The following XPOT variants were observed in gnomAD, a reference collection of about 807,000 sequenced individuals.
XPOT encodes exportin-T.
A neutral mutation model predicts 128.2 loss-of-function variants in XPOT; 34 were observed. The ratio of observed to expected loss-of-function variants is 0.27; its 90% confidence interval spans 0.20 to 0.35. The LOEUF is 0.35. Among genes scored for constraint, XPOT ranks in the 10% least tolerant of loss-of-function variants. The pLI is 1.00. For synonymous variants in XPOT, 348 were observed against 394.3 expected, an observed-to-expected ratio of 0.88 and a Z score of 1.39; for missense variants, 838 against 1,125.3, an observed-to-expected ratio of 0.74 and a Z score of 3.65.
At chr12:64,405,420 G>C (rs1221796465) in intron 1 of XPOT, 1 of 152,192 alleles carries the variant, frequency 6.6e-6, no homozygotes, top group East Asian at 1.9e-4. Flanking sequence ...TGTCAGCGTG[G>C]TGTTAAAAGG....
intron 17 of XPOT, among the ~76,000 whole-genome samples, chr12:64,431,024 A>T (rs1046062407): frequency 6.6e-6 from 1 of 151,958 alleles, no homozygotes; most frequent in Non-Finnish European, 1.5e-5. Flanking sequence ...AGCTCAGTGC[A>T]ACCTCCGCCT....
At chr12:64,436,824 T>A (rs949978982) in intron 22 of XPOT, among the ~76,000 whole-genome samples, 1 of 152,238 alleles carries the variant, frequency 6.6e-6, no homozygotes, top group African/African-American at 2.4e-5. Context: ...CAAACATTCC[T>A]CCTGCCTTGG....
intron 3 of XPOT, 135 bp downstream of exon 3, chr12:64,415,124 A>G (rs1345053665): frequency 1.7e-6 from 1 of 604,244 alleles, no homozygotes; most frequent in Non-Finnish European, 2.9e-6. Context: ...AGCCATTAAC[A>G]TATAGTCATT....
At chr12:64,424,177 A>T (rs989366182) in intron 11 of XPOT, among the ~76,000 whole-genome samples, 2 of 152,188 alleles carry the variant, frequency 1.3e-5, no homozygotes, top group Non-Finnish European at 2.9e-5. Context: ...TTTACAGTGG[A>T]TATTGACTTA....
At position 64,449,800 on chromosome 12, in the gene XPOT, A is replaced by G. The variant is rs1425777013; in HGVS notation, c.*1669A>G. 6.6e-6 allele frequency: 1 copy of G among 152,280 alleles called. No homozygotes were observed. Among genetic ancestry groups the G allele is most frequent in the South Asian group, 2.1e-4 (1 of 4,836 alleles). 9.4% of individuals were successfully genotyped at this position (152,280 alleles called of 1,614,324 possible). A position where few individuals can be genotyped will look rare whatever the true frequency, so the allele number is the denominator to read the frequency against. On this transcript the variant is annotated 3_prime_UTR_variant, in exon 25 of 25. Coordinates refer to ENST00000332707, the MANE Select transcript of XPOT (RefSeq NM_007235.6). ...TAGGTTCCCCTGTACTATAGGAGTG[A>G]TAATTGCAGCTATTGCAATAGTAGT...
intron 22 of XPOT, among the ~76,000 whole-genome samples, chr12:64,436,895 G>A (rs887490506): frequency 6.6e-5 from 10 of 152,166 alleles, no homozygotes; most frequent in Non-Finnish European, 1.0e-4. Flanking sequence ...TAAATAACTG[G>A]AATTGGTTGC....
chr12:64,424,769 C>T (rs1335835228), intron 12 of XPOT, 46 bp downstream of exon 12: 19 of 1,604,640 alleles, frequency 1.2e-5, no homozygotes, highest in Non-Finnish European at 1.5e-5. Flanking sequence ...CTTTCTTTTG[C>T]TCTTTGATAT....
At chr12:64,416,016 A>G (rs546756891) in intron 3 of XPOT, among the ~76,000 whole-genome samples, 1 of 152,332 alleles carries the variant, frequency 6.6e-6, no homozygotes, top group East Asian at 1.9e-4. Flanking sequence ...GAACTCTCTT[A>G]TACTCACTTC....
chr12:64,404,566 T>C lies in XPOT; in HGVS notation c.-313T>C, dbSNP rs146483101. 1,756 of 153,942 alleles carry C rather than the reference T, an allele frequency of 0.011. 18 individuals carry two copies. Among genetic ancestry groups the C allele is most frequent in the Non-Finnish European group, 0.018 (1,230 of 68,806 alleles). 9.5% of individuals were successfully genotyped at this position (153,942 alleles called of 1,614,324 possible). The stretch of plus-strand genomic sequence containing the variant: ...CCCGCCCGCTTGCTTGCTTGCTTGC[T>C]TGCCTGCCTGCCTGCCTGCCCGGCG... On this transcript the variant is annotated 5_prime_UTR_variant, in exon 1 of 25. Coordinates refer to ENST00000332707, the MANE Select transcript of XPOT (RefSeq NM_007235.6).
At chr12:64,406,178 C>T (rs1290827555) in intron 1 of XPOT, among the ~76,000 whole-genome samples, 1 of 152,178 alleles carries the variant, frequency 6.6e-6, no homozygotes, top group African/African-American at 2.4e-5. Context: ...CGGGTTCATG[C>T]GAGTCTTCTG....
intron 1 of XPOT, among the ~76,000 whole-genome samples, chr12:64,409,261 G>A (rs1001773289): frequency 2.0e-5 from 3 of 152,098 alleles, no homozygotes; most frequent in African/African-American, 7.2e-5. Flanking sequence ...GTAATAGTCT[G>A]CATTTGTCAT....
chr12:64,446,385 T>C (rs2040367425), intron 24 of XPOT, among the ~76,000 whole-genome samples: 1 of 152,204 alleles, frequency 6.6e-6, no homozygotes, highest in Admixed American at 6.5e-5. Flanking sequence ...ATGAATTTCA[T>C]TCGTGTTCAC....
At chr12:64,422,964 A>G (rs2040153571) in intron 9 of XPOT, 41 bp from the exon 10 acceptor site, 3 of 1,598,138 alleles carry the variant, frequency 1.9e-6, no homozygotes, top group Non-Finnish European at 2.6e-6. Context: ...TGCAGGTATA[A>G]CTTTAGAAAA....
chr12:64,419,281 A>G (rs888789113), intron 6 of XPOT, among the ~76,000 whole-genome samples, 187 bp downstream of exon 6: 1 of 151,918 alleles, frequency 6.6e-6, no homozygotes, highest in Non-Finnish European at 1.5e-5. Context: ...TTTTTTTTCC[A>G]GAGGTATATT....
In XPOT at chr12:64,430,079, G is replaced by A. The variant is rs769925840; in HGVS notation, c.1768G>A (p.Asp590Asn). 2.5e-6 allele frequency: 4 copies of A among 1,611,404 alleles called. No individual in the cohort carries two copies. The Admixed American group carries it at 5.0e-5, about 20-fold the overall frequency. The change falls in exon 17 of 25, where the codon GAT becomes AAT. Residue 590 changes from aspartate (D) to asparagine (N), a missense_variant. By Grantham distance (23) the Asp-to-Asn change is conservative. Coordinates refer to ENST00000332707, the MANE Select transcript of XPOT (RefSeq NM_007235.6). ...TGGCCACCAGTCCTTACTGAGCAGC[G>A]ATGATCAACTTTTTATTTATGAGAC... ...ENGHQSLLSS[D>N]DQLFIYETAG...
chr12:64,444,991 A>C (rs560499937), intron 23 of XPOT, 84 bp from the exon 24 acceptor site: 2 of 841,438 alleles, frequency 2.4e-6, no homozygotes, highest in African/African-American at 1.8e-5. Flanking sequence ...AAAAAAAATT[A>C]AAAAAAAAAA....
At chr12:64,440,165 ACT>A (rs1160951066) in intron 23 of XPOT, among the ~76,000 whole-genome samples, 1 of 151,950 alleles carries the variant, frequency 6.6e-6, no homozygotes, top group East Asian at 1.9e-4. Context: ...CTACCATTCT[ACT>A]CTCTGATTCT....
intron 23 of XPOT, chr12:64,442,633 A>G (rs2040334949): frequency 6.6e-6 from 1 of 152,388 alleles, no homozygotes; most frequent in South Asian, 2.1e-4. Context: ...TTGAAGGCCA[A>G]AATGAGCTGG....
At chr12:64,406,558 G>A (rs1410928286) in intron 1 of XPOT, among the ~76,000 whole-genome samples, 1 of 151,822 alleles carries the variant, frequency 6.6e-6, no homozygotes, top group Non-Finnish European at 1.5e-5. Flanking sequence ...TAGTAGAGAC[G>A]GGGTTTCTCC....
Sources: allele counts gnomAD v4.1 joint callset (sites outside exome capture counted in the v4.1 genomes callset), GRCh38; gene constraint gnomAD v4.1.1; transcripts MANE v1.5; gene names NCBI Gene and HGNC (gene_info 2026-07-23, HGNC 2026-07-21).